NEBL: variants seen among roughly 807,000 people sequenced by gnomAD.
NEBL encodes the protein nebulette, also known as LIM and SH3 protein 2.
Under a neutral mutation model 140.2 loss-of-function variants are expected in NEBL, and 122 were observed. That is an observed-to-expected ratio of 0.87 (90% CI 0.75 to 1.01). The LOEUF (loss-of-function observed/expected upper bound fraction) is 1.01, where lower values mean the gene tolerates loss of function less well. Ranked by LOEUF, NEBL falls within the 50% of genes least tolerant of loss-of-function variation. The pLI is 0.00. For missense variants in NEBL, 1,365 were observed against 1,231.3 expected (o/e 1.11, Z -1.62); for synonymous variants, 436 against 398.9 (o/e 1.09, Z -1.11).
At chr10:20,980,246 C>T (rs17738142) in intron 3 of NEBL, among the ~76,000 whole-genome samples, 5,202 of 151,924 alleles carry the variant, frequency 0.034, 104 homozygotes, top group Middle Eastern at 0.054. Context: ...AGTGAATGGG[C>T]TAAGCCATAC....
At chr10:20,970,865 C>T (rs1380364221) in intron 3 of NEBL, among the ~76,000 whole-genome samples, 1 of 151,858 alleles carries the variant, frequency 6.6e-6, no homozygotes, top group Non-Finnish European at 1.5e-5. Context: ...ATTTATCTGA[C>T]AAGGAAAAAA....
chr10:20,827,146 C>T (rs1207030997), intron 17 of NEBL, among the ~76,000 whole-genome samples: 2 of 152,144 alleles, frequency 1.3e-5, no homozygotes, highest in Non-Finnish European at 2.9e-5. Flanking sequence ...TGAGTGCCCT[C>T]GTTATGAGTA....
intron 3 of NEBL, among the ~76,000 whole-genome samples, chr10:21,209,289 G>T (rs1589329637): frequency 6.6e-6 from 1 of 152,154 alleles, no homozygotes; most frequent in East Asian, 1.9e-4. Flanking sequence ...CCTAGGGAAG[G>T]GTTGCCAGAT....
intron 13 of NEBL, among the ~76,000 whole-genome samples, chr10:20,837,075 A>G (rs370507768): frequency 3.0e-4 from 46 of 152,272 alleles, no homozygotes; most frequent in African/African-American, 1.0e-3. Flanking sequence ...GTAACCCTAC[A>G]ATGGCCCCTA....
chr10:20,858,390 ATTATGCT>A, intron 8 of NEBL, 46 bp from the exon 9 acceptor site: 2 of 1,440,242 alleles, frequency 1.4e-6, no homozygotes, highest in East Asian at 4.6e-5. Context: ...AGAAGAAAAT[ATTATGCT>A]TTTGCATTAT....
chr10:20,910,012 A>G (rs1476840449), intron 4 of NEBL, among the ~76,000 whole-genome samples: 1 of 152,188 alleles, frequency 6.6e-6, no homozygotes, highest in Non-Finnish European at 1.5e-5. Context: ...CCTTTTCAGC[A>G]AACTTTACAC....
At chr10:20,897,341 C>A, upstream of NEBL, 1 of 1,475,270 alleles carries the variant, frequency 6.8e-7, no homozygotes, top group Non-Finnish European at 8.9e-7. Context: ...CCCTATTTAG[C>A]CCACACTTCA....
chr10:20,935,683 C>T (rs1834444742), intron 4 of NEBL, among the ~76,000 whole-genome samples: 2 of 152,178 alleles, frequency 1.3e-5, no homozygotes, highest in East Asian at 3.9e-4. Flanking sequence ...TTCTCCATCC[C>T]ATCTTAAATA....
At chr10:21,075,665 G>T (rs555858432) in intron 2 of NEBL, among the ~76,000 whole-genome samples, 40 of 152,286 alleles carry the variant, frequency 2.6e-4, no homozygotes, top group African/African-American at 9.1e-4. Context: ...TCAACTCTTA[G>T]CTTCAACAAT....
chr10:21,186,788 C>T (rs185421562), intron 3 of NEBL, among the ~76,000 whole-genome samples: 1 of 151,718 alleles, frequency 6.6e-6, no homozygotes, highest in Non-Finnish European at 1.5e-5. Context: ...TGCTTTAAAT[C>T]ATCTCTAGGC....
At chr10:21,030,161 G>C in intron 2 of NEBL, 2 of 484,666 alleles carry the variant, frequency 4.1e-6, no homozygotes, top group Non-Finnish European at 8.0e-6. Flanking sequence ...GAAGGAACAA[G>C]ATAAGTTGCA....
intron 4 of NEBL, among the ~76,000 whole-genome samples, chr10:20,931,532 T>C (rs753938342): frequency 2.0e-5 from 3 of 152,202 alleles, no homozygotes; most frequent in Non-Finnish European, 4.4e-5. Flanking sequence ...CATCAAGGAA[T>C]GAGGACTGTC....
intron 3 of NEBL, among the ~76,000 whole-genome samples, chr10:21,247,097 C>T (rs1842526606): frequency 6.6e-6 from 1 of 152,132 alleles, no homozygotes. Flanking sequence ...GTGCCTGCTT[C>T]CCCTTTGCCC....
chr10:20,851,209 C>G (rs2131059901), intron 10 of NEBL, among the ~76,000 whole-genome samples: 1 of 152,096 alleles, frequency 6.6e-6, no homozygotes, highest in South Asian at 2.1e-4. Context: ...AAATTAAACT[C>G]ATAGAAGTTT....
At chr10:20,924,804 C>G (rs144229798) in intron 4 of NEBL, among the ~76,000 whole-genome samples, 2 of 152,152 alleles carry the variant, frequency 1.3e-5, no homozygotes. Context: ...TCGTTCAGTT[C>G]CAGGTCAGCC....
chr10:21,238,487 G>T (rs962716117), intron 3 of NEBL, among the ~76,000 whole-genome samples: 2 of 151,530 alleles, frequency 1.3e-5, no homozygotes, highest in South Asian at 2.1e-4. Context: ...ATCACCTGAG[G>T]TCAGGAGTTC....
chr10:21,149,627 G>A (rs1840060755), intron 2 of NEBL, among the ~76,000 whole-genome samples: 1 of 152,170 alleles, frequency 6.6e-6, no homozygotes, highest in African/African-American at 2.4e-5. Flanking sequence ...ACATAAGCAA[G>A]GGTCTCCCTG....
At chr10:21,048,865 C>T (rs613407) in intron 2 of NEBL, among the ~76,000 whole-genome samples, 91,881 of 151,844 alleles carry the variant, frequency 0.61, 27,890 homozygotes, top group East Asian at 0.72. Flanking sequence ...TAAAATTAGC[C>T]GGGCATGGTG....
intron 2 of NEBL, among the ~76,000 whole-genome samples, chr10:21,034,777 A>C (rs1014375134): frequency 6.6e-6 from 1 of 152,098 alleles, no homozygotes; most frequent in Non-Finnish European, 1.5e-5. Flanking sequence ...AGGGAGGGAA[A>C]AATTATACCA....
Sources: allele counts gnomAD v4.1 joint callset (sites outside exome capture counted in the v4.1 genomes callset), GRCh38; gene constraint gnomAD v4.1.1; transcripts MANE v1.5; gene names NCBI Gene and HGNC (gene_info 2026-07-23, HGNC 2026-07-21).